The following F2RL3 variants were observed in gnomAD, a reference collection of about 807,000 sequenced individuals.
The protein encoded by F2RL3 is proteinase-activated receptor 4.
F2RL3 carries 3 observed loss-of-function variants against 4.9 expected under a neutral mutation model. The observed-to-expected ratio is 0.61, with a 90% CI of 0.28 to 1.58. The LOEUF is 1.58. Among genes scored for constraint, F2RL3 ranks in the 40% most tolerant of loss-of-function variants. F2RL3 has a pLI of 0.11. For synonymous variants in F2RL3, 284 were observed against 278.4 expected (o/e 1.02, Z -0.20); for missense variants, 564 against 550.4 (o/e 1.02, Z -0.25).
In F2RL3 at chr19:16,890,141, G is replaced by C; in HGVS notation, c.678G>C (p.Val226=). Residue 226 remains valine (V), a synonymous_variant, in exon 2 of 2, where the codon GTG becomes GTC. Coordinates refer to ENST00000248076, the MANE Select transcript of F2RL3 (RefSeq NM_003950.4). ...TCCGGCTGGCGCGCTCCGATCGCGT[G>C]CTCTGCCATGACGCGCTGCCCCTGG... ...QTFRLARSDR[V]LCHDALPLDA... is the part of the protein sequence containing the mutation. The C allele has an allele frequency of 2.5e-6, 4 of 1,596,332 alleles. No homozygotes were observed. The highest frequency in any genetic ancestry group is 3.4e-6 in the Non-Finnish European group (4 of 1,178,532).
Position 16,889,167 on chromosome 19 carries a change from C to T in F2RL3, c.-23C>T. On this transcript the variant is annotated 5_prime_UTR_variant, in exon 1 of 2. Coordinates refer to ENST00000248076, the MANE Select transcript of F2RL3 (RefSeq NM_003950.4). ...CGAGGCAGGAAGCCTGAGGCCACAG[C>T]CCAGAGCAGCCTGAGTGCAGTCATG... 6 of 1,516,292 alleles carry T rather than the reference C, an allele frequency of 4.0e-6. No individual in the cohort carries two copies. Among genetic ancestry groups the T allele is most frequent in the Non-Finnish European group, 5.3e-6 (6 of 1,126,660 alleles). The allele number at this position is 1,516,292 out of a possible 1,614,324, so 93.9% of individuals were successfully genotyped here. A position where few individuals can be genotyped will look rare whatever the true frequency, so the allele number is the denominator to read the frequency against.
chr19:16,889,406 C>G (rs1166943003), intron 1 of F2RL3, 108 bp downstream of exon 1: 1 of 1,203,894 alleles, frequency 8.3e-7, no homozygotes, highest in East Asian at 2.5e-5. Context: ...TTCAGCCCAG[C>G]CCACTCTGTA....
rs1379116922 is a variant in F2RL3, at chr19:16,889,007, C to G, written c.-183C>G. The G allele has an allele frequency of 3.9e-6, 2 of 509,074 alleles. No individual in the cohort carries two copies. Among genetic ancestry groups the G allele is most frequent in the South Asian group, 6.2e-5 (2 of 32,232 alleles). The allele number at this position is 509,074 out of a possible 1,614,324, so 31.5% of individuals were successfully genotyped here. A position where few individuals can be genotyped will look rare whatever the true frequency, so the allele number is the denominator to read the frequency against. On this transcript the variant is annotated 5_prime_UTR_variant, in exon 1 of 2. Transcript: ENST00000248076. ...GGCAGCCCGGTCTCCATAACCCACA[C>G]TCCAGTCCTCCCACGGGCTGGCTGG...
chr19:16,890,060 TG>T lies in F2RL3; in HGVS notation c.598del (p.Ala200LeufsTer12). On this transcript the variant is annotated frameshift_variant, in exon 2 of 2. Coordinates refer to ENST00000248076, the MANE Select transcript of F2RL3 (RefSeq NM_003950.4). LOFTEE classifies it low-confidence loss of function (END_TRUNC). ...RRLALGLCMA[A>X]WLMAAALALP... ...GCCTGGCCCTTGGACTCTGCATGGC[TG>T]CTTGGCTCATGGCGGCCGCCCTGGC... 1 of 1,598,652 alleles carries T rather than the reference TG, an allele frequency of 6.3e-7. No individual in the cohort carries two copies. The highest frequency in any genetic ancestry group is 1.1e-5 in the South Asian group (1 of 90,918).
Position 16,890,543 on chromosome 19 carries a change from G to A in F2RL3, c.1080G>A (p.Pro360=), listed in dbSNP as rs2227348. 130 of 1,609,046 alleles carry A rather than the reference G, an allele frequency of 8.1e-5. 1 individual carries two copies. In the African/African-American group the frequency reaches 1.2e-3, roughly 15 times the overall value. The change falls in exon 2 of 2, where the codon CCG becomes CCA. Residue 360 remains proline (P), a synonymous_variant. Transcript: ENST00000248076. ...KVRAGLFQRS[P]GDTVASKASA... ...GGGCAGGGCTCTTCCAACGGTCGCC[G>A]GGGGACACCGTGGCCTCCAAGGCCT... is the stretch of plus-strand genomic sequence containing the variant.
In F2RL3 at chr19:16,890,115, T is replaced by A. The variant is rs1290871712; in HGVS notation, c.652T>A (p.Phe218Ile). 2 of 1,597,292 alleles carry A rather than the reference T, an allele frequency of 1.3e-6. No individual in the cohort carries two copies. Among genetic ancestry groups the A allele is most frequent in the African/African-American group, 1.3e-5 (1 of 74,868 alleles). The change falls in exon 2 of 2, where the codon TTC (phenylalanine) becomes ATC (isoleucine). Residue 218 changes from phenylalanine to isoleucine, a missense_variant. By Grantham distance (21) the Phe-to-Ile change is conservative (BLOSUM62 0). Transcript: ENST00000248076. The part of the protein sequence containing the change: ...ALPLTLQRQT[F>I]RLARSDRVLC... ...GCCCCTGACACTGCAGCGGCAGACCTTCCGGCTGGCGCGCTCCGATCGCGT... is the reference window on the plus strand; with the variant it reads ...GCCCCTGACACTGCAGCGGCAGACCATCCGGCTGGCGCGCTCCGATCGCGT...
chr19:16,889,864 C>T lies in F2RL3; in HGVS notation c.401C>T (p.Ala134Val). Reference protein sequence around the residue: ...LLALALPPRIAYHLRGQRWPF... With the variant: ...LLALALPPRIVYHLRGQRWPF... ...GCCCTGGCGCTGCCCCCGCGGATCG[C>T]CTACCACCTGCGTGGCCAGCGCTGG... The change falls in exon 2 of 2, where the codon GCC (alanine) becomes GTC (valine). Residue 134 changes from alanine to valine, a missense_variant. Ala to Val is a moderately conservative substitution (Grantham distance 64). Transcript: ENST00000248076. 1.9e-6 allele frequency: 3 copies of T among 1,593,852 alleles called. No individual in the cohort carries two copies. Among genetic ancestry groups the T allele is most frequent in the Non-Finnish European group, 2.6e-6 (3 of 1,176,352 alleles).
rs1018183653 is a variant in F2RL3 at position 16,890,278 on chromosome 19, C to T, written c.815C>T (p.Ala272Val). 5.8e-6 allele frequency: 9 copies of T among 1,556,242 alleles called. No homozygotes were observed. Among genetic ancestry groups the T allele is most frequent in the African/African-American group, 5.4e-5 (4 of 73,808 alleles). The change falls in exon 2 of 2, where the codon GCG becomes GTG. Residue 272 changes from alanine (A) to valine (V), a missense_variant. Physicochemically the swap from Ala to Val is moderately conservative, Grantham distance 64. Transcript: ENST00000248076. ...TACGGGGCCACCCTGCACACGCTGG[C>T]GGCCAGCGGCCGGCGCTACGGCCAC... Reference protein sequence around the residue: ...LCYGATLHTLAASGRRYGHAL... With the variant: ...LCYGATLHTLVASGRRYGHAL...
rs113425382 is a variant in F2RL3, at chr19:16,891,993, T to G, written c.*1372T>G. 179 of 152,408 alleles carry G rather than the reference T, an allele frequency of 1.2e-3. 2 individuals carry two copies. The highest frequency in any genetic ancestry group is 4.2e-3 in the African/African-American group (174 of 41,582). The allele number at this position is 152,408 out of a possible 1,614,324, so 9.4% of individuals were successfully genotyped here. A position where few individuals can be genotyped will look rare whatever the true frequency, so the allele number is the denominator to read the frequency against. On this transcript the variant is annotated 3_prime_UTR_variant, in exon 2 of 2. Transcript: ENST00000248076. ...CCTGGACTTCTGGCCTGCAGAACTGTGAGACAATAAACTCTCATTGTTTTA... is the reference window on the plus strand; with the variant it reads ...CCTGGACTTCTGGCCTGCAGAACTGGGAGACAATAAACTCTCATTGTTTTA...
Position 16,890,240 on chromosome 19 carries a change from C to T in F2RL3, c.777C>T (p.Ala259=). ...ALLGCFLPLL[A]MLLCYGATLH... The stretch of plus-strand genomic sequence containing the variant: ...TGGGCTGTTTCCTGCCCCTGCTGGC[C>T]ATGCTGCTGTGCTACGGGGCCACCC... Residue 259 remains alanine (A), a synonymous_variant, in exon 2 of 2, where the codon GCC becomes GCT. Coordinates refer to ENST00000248076, the MANE Select transcript of F2RL3 (RefSeq NM_003950.4). 1 of 1,573,722 alleles carries T rather than the reference C, an allele frequency of 6.4e-7. No individual in the cohort carries two copies. Among genetic ancestry groups the T allele is most frequent in the Non-Finnish European group, 8.6e-7 (1 of 1,166,096 alleles).
At chr19:16,889,360 C>A in intron 1 of F2RL3, 62 bp downstream of exon 1, 1 of 1,427,200 alleles carries the variant, frequency 7.0e-7, no homozygotes, top group Non-Finnish European at 9.6e-7. Context: ...GCTGGGGGCC[C>A]GGAGCTGGGG....
In F2RL3 at chr19:16,889,733, G is replaced by A. The variant is rs370590041; in HGVS notation, c.270G>A (p.Val90=). The change falls in exon 2 of 2, where the codon GTG becomes GTA. Residue 90 remains valine, a synonymous_variant. Coordinates refer to ENST00000248076, the MANE Select transcript of F2RL3 (RefSeq NM_003950.4). Reference sequence around the variant, plus strand: ...CCCTCTATGGGCTGGTCCTGGTGGTGGGGCTGCCGGCCAATGGGCTGGCGC... The same window carrying A: ...CCCTCTATGGGCTGGTCCTGGTGGTAGGGCTGCCGGCCAATGGGCTGGCGC... ...VPALYGLVLV[V]GLPANGLALW... 5 of 1,603,412 alleles carry A rather than the reference G, an allele frequency of 3.1e-6. No individual in the cohort carries two copies. The highest frequency in any genetic ancestry group is 2.2e-5 in the East Asian group (1 of 44,810).
At position 16,890,159 on chromosome 19, in the gene F2RL3, GCCC is replaced by G. The variant is rs745381701; in HGVS notation, c.698_700del (p.Pro233del). ...ATCGCGTGCTCTGCCATGACGCGCT[GCCC>G]CTGGACGCACAGGCCTCCCACTGGC... On this transcript the variant is annotated inframe_deletion, in exon 2 of 2. Transcript: ENST00000248076. 1.9e-6 allele frequency: 3 copies of G among 1,594,800 alleles called. No individual in the cohort carries two copies. In the South Asian group the frequency reaches 3.3e-5, roughly 18 times the overall value.
chr19:16,889,541 AG>A, intron 1 of F2RL3, 31 bp from the exon 2 acceptor site: 1 of 1,528,696 alleles, frequency 6.5e-7, no homozygotes. Context: ...CTGCCGAGGC[AG>A]GGGCTGACTG....
At position 16,890,852 on chromosome 19, in the gene F2RL3, G is replaced by A; in HGVS notation, c.*231G>A. On this transcript the variant is annotated 3_prime_UTR_variant, in exon 2 of 2. Coordinates refer to ENST00000248076, the MANE Select transcript of F2RL3 (RefSeq NM_003950.4). ...GCCTGTAATCCCAGCACTTTAAGAG[G>A]CCAAGGCGGATGGATCACTTGAGCC... The A allele has an allele frequency of 3.6e-6, 2 of 548,718 alleles. No homozygotes were observed. Among genetic ancestry groups the A allele is most frequent in the South Asian group, 2.2e-5 (1 of 44,598 alleles). 34.0% of individuals were successfully genotyped at this position (548,718 alleles called of 1,614,324 possible).
Position 16,889,597 on chromosome 19 carries a change from C to T in F2RL3, c.134C>T (p.Ala45Val). The change falls in exon 2 of 2, where the codon GCC becomes GTC. Residue 45 changes from alanine to valine, a missense_variant. Transcript: ENST00000248076. ...GACAGCACGCCCTCAATCCTGCCTG[C>T]CCCCCGCGGCTACCCAGGCCAAGTC... ...GDDSTPSILP[A>V]PRGYPGQVCA... is the part of the protein sequence containing the mutation. 8 of 1,586,782 alleles carry T rather than the reference C, an allele frequency of 5.0e-6. 1 individual carries two copies. Among genetic ancestry groups the T allele is most frequent in the Non-Finnish European group, 5.2e-6 (6 of 1,164,698 alleles).
rs1568435028 is a variant in F2RL3 at position 16,890,099 on chromosome 19, A to C, written c.636A>C (p.Thr212=). 1 of 1,597,706 alleles carries C rather than the reference A, an allele frequency of 6.3e-7. No homozygotes were observed. Among genetic ancestry groups the C allele is most frequent in the South Asian group, 1.1e-5 (1 of 90,924 alleles). The change falls in exon 2 of 2, where the codon ACA becomes ACC. Residue 212 remains threonine (T), a synonymous_variant. Transcript: ENST00000248076. ...CGGCCGCCCTGGCACTGCCCCTGACACTGCAGCGGCAGACCTTCCGGCTGG... is the reference window on the plus strand; with the variant it reads ...CGGCCGCCCTGGCACTGCCCCTGACCCTGCAGCGGCAGACCTTCCGGCTGG... The part of the protein sequence containing the change: ...LMAAALALPL[T]LQRQTFRLAR...
chr19:16,889,739 G>A lies in F2RL3; in HGVS notation c.276G>A (p.Leu92=), dbSNP rs767960491. 6.2e-7 allele frequency: 1 copy of A among 1,602,602 alleles called. No homozygotes were observed. Among genetic ancestry groups the A allele is most frequent in the Non-Finnish European group, 8.5e-7 (1 of 1,178,996 alleles). Residue 92 remains leucine (L), a synonymous_variant, in exon 2 of 2, where the codon CTG becomes CTA. Transcript: ENST00000248076. ...ALYGLVLVVG[L]PANGLALWVL... is the part of the protein sequence containing the mutation. ...ATGGGCTGGTCCTGGTGGTGGGGCT[G>A]CCGGCCAATGGGCTGGCGCTGTGGG...
In F2RL3 at chr19:16,889,980, G is replaced by A. The variant is rs890086175; in HGVS notation, c.517G>A (p.Asp173Asn). 3.1e-6 allele frequency: 5 copies of A among 1,597,610 alleles called. No individual in the cohort carries two copies. Among genetic ancestry groups the A allele is most frequent in the Non-Finnish European group, 4.3e-6 (5 of 1,175,970 alleles). Residue 173 changes from aspartate (D) to asparagine (N), a missense_variant, in exon 2 of 2, where the codon GAT becomes AAT. Physicochemically the swap from Asp to Asn is conservative, Grantham distance 23. Coordinates refer to ENST00000248076, the MANE Select transcript of F2RL3 (RefSeq NM_003950.4). Reference sequence around the variant, plus strand: ...GCTGCTGCTGGCCGCCGTCAGCCTGGATCGCTACCTGGCCCTGGTGCACCC... The same window carrying A: ...GCTGCTGCTGGCCGCCGTCAGCCTGAATCGCTACCTGGCCCTGGTGCACCC... ...SVLLLAAVSLDRYLALVHPLR... is the reference protein window; with the variant it reads ...SVLLLAAVSLNRYLALVHPLR...
Sources: gnomAD v4.1 joint callset for allele counts on GRCh38, gnomAD v4.1.1 for gene constraint, MANE v1.5 for transcripts, NCBI Gene and HGNC (gene_info 2026-07-23, HGNC 2026-07-21) for gene names.